Variants in FCHSD2 observed in about 807,000 individuals in gnomAD.
The protein encoded by FCHSD2 is F-BAR and double SH3 domains protein 2.
Under a neutral mutation model 108.1 loss-of-function variants are expected in FCHSD2, and 38 were observed. The observed-to-expected ratio is 0.35, with a 90% CI of 0.27 to 0.46. FCHSD2 has a LOEUF of 0.46. FCHSD2 is among the 20% of genes least tolerant of loss of function. The probability of loss-of-function intolerance (pLI) is 1.00; values close to 1 mark genes in which losing one functional copy is unlikely to be tolerated. For missense variants in FCHSD2, 751 were observed against 897.8 expected (o/e 0.84, Z 2.09); for synonymous variants, 279 against 314.7 (o/e 0.89, Z 1.20).
chr11:73,141,941 G>A lies in FCHSD2; in HGVS notation c.-64C>T, dbSNP rs1861259197. The A allele has an allele frequency of 2.7e-6, 4 of 1,468,580 alleles. No individual in the cohort carries two copies. The highest frequency in any genetic ancestry group is 1.7e-4 in the Middle Eastern group (1 of 5,842). The allele number at this position is 1,468,580 out of a possible 1,614,324, so 91.0% of individuals were successfully genotyped here. Reference sequence around the variant, plus strand: ...TAGCAAGGACCAGGAGGAGGAGGAGGGCCGGAGAGGAGGGGACGGCCCAGC... The same window carrying A: ...TAGCAAGGACCAGGAGGAGGAGGAGAGCCGGAGAGGAGGGGACGGCCCAGC... On this transcript the variant is annotated 5_prime_UTR_variant, in exon 1 of 20. Transcript: ENST00000409418.
intron 3 of FCHSD2, among the ~76,000 whole-genome samples, chr11:73,039,249 T>TG (rs111686502): frequency 0.78 from 118,918 of 151,972 alleles, 46,627 homozygotes; most frequent in South Asian, 0.87. Flanking sequence ...CAGGGTGCAG[T>TG]GCTCACACCT....
At chr11:72,918,820 A>C (rs2135307021) in intron 9 of FCHSD2, among the ~76,000 whole-genome samples, 1 of 152,288 alleles carries the variant, frequency 6.6e-6, no homozygotes, top group East Asian at 1.9e-4. Context: ...GGAGACAAAA[A>C]GCAAGCACAC....
intron 2 of FCHSD2, among the ~76,000 whole-genome samples, chr11:73,131,719 T>A (rs1236633746): frequency 4.0e-5 from 6 of 150,194 alleles, no homozygotes; most frequent in Non-Finnish European, 7.4e-5. Flanking sequence ...AAAAAAAAAA[T>A]TAAAAAATTT....
intron 3 of FCHSD2, among the ~76,000 whole-genome samples, chr11:73,069,237 G>A (rs888134784): frequency 2.0e-5 from 3 of 150,112 alleles, no homozygotes; most frequent in Non-Finnish European, 3.0e-5. Context: ...CTTGAACCAT[G>A]GAGGCAGAGG....
rs201682261 is a variant in FCHSD2 at position 72,840,911 on chromosome 11, T to C, written c.2105A>G (p.His702Arg). 6.2e-7 allele frequency: 1 copy of C among 1,613,386 alleles called. No homozygotes were observed. Among genetic ancestry groups the C allele is most frequent in the African/African-American group, 1.3e-5 (1 of 75,050 alleles). ...ESPGFSQASR[H>R]TPETSYGKLR... ...TTTGCCATATGAGGTCTCAGGAGTATGCCTTGATGCCTGTGAGAATCCTGG... is the reference window on the plus strand; with the variant it reads ...TTTGCCATATGAGGTCTCAGGAGTACGCCTTGATGCCTGTGAGAATCCTGG... Residue 702 changes from histidine (H) to arginine (R), a missense_variant, in exon 19 of 20, where the codon CAT becomes CGT. Physicochemically the swap from His to Arg is conservative, Grantham distance 29 (BLOSUM62 0). Coordinates refer to ENST00000409418, the MANE Select transcript of FCHSD2 (RefSeq NM_014824.3).
In FCHSD2 at chr11:73,142,025, G is replaced by C; in HGVS notation, c.-148C>G. 1 of 715,912 alleles carries C rather than the reference G, an allele frequency of 1.4e-6. No individual in the cohort carries two copies. Among genetic ancestry groups the C allele is most frequent in the South Asian group, 1.9e-5 (1 of 53,870 alleles). The allele number at this position is 715,912 out of a possible 1,614,324, so 44.3% of individuals were successfully genotyped here. A position where few individuals can be genotyped will look rare whatever the true frequency, so the allele number is the denominator to read the frequency against. Reference sequence around the variant, plus strand: ...AGCAAGACTTGCCCCGGAGGGAGCAGGCCAGCGGGCGGCAGGCGGACCCCA... The same window carrying C: ...AGCAAGACTTGCCCCGGAGGGAGCACGCCAGCGGGCGGCAGGCGGACCCCA... On this transcript the variant is annotated 5_prime_UTR_variant, in exon 1 of 20. Coordinates refer to ENST00000409418, the MANE Select transcript of FCHSD2 (RefSeq NM_014824.3).
chr11:72,930,465 T>C (rs2135324649), intron 8 of FCHSD2, among the ~76,000 whole-genome samples: 1 of 152,336 alleles, frequency 6.6e-6, no homozygotes, highest in Admixed American at 6.5e-5. Flanking sequence ...TTCAACAATG[T>C]AATTGGCTGG....
chr11:72,882,591 A>G (rs187656472), intron 12 of FCHSD2, among the ~76,000 whole-genome samples: 11 of 152,322 alleles, frequency 7.2e-5, no homozygotes, highest in Admixed American at 5.9e-4. Context: ...AGATATCTTA[A>G]TTACTCTAAT....
At chr11:73,136,197 C>T (rs1233999329) in intron 2 of FCHSD2, among the ~76,000 whole-genome samples, 2 of 148,614 alleles carry the variant, frequency 1.3e-5, no homozygotes, top group Non-Finnish European at 3.0e-5. Context: ...AAAGAAGGGA[C>T]GTAATGGGGA....
At chr11:73,130,744 G>A (rs548625848) in intron 2 of FCHSD2, among the ~76,000 whole-genome samples, 1 of 152,286 alleles carries the variant, frequency 6.6e-6, no homozygotes, top group South Asian at 2.1e-4. Flanking sequence ...TGCCTAGTTA[G>A]CATCTCCTTT....
intron 9 of FCHSD2, among the ~76,000 whole-genome samples, chr11:72,911,747 G>A (rs374142987): frequency 7.3e-5 from 11 of 151,584 alleles, no homozygotes; most frequent in East Asian, 1.9e-4. Flanking sequence ...ACATATGTTC[G>A]CTTTTGTTGC....
chr11:72,865,290 T>A (rs1478060993), intron 13 of FCHSD2, among the ~76,000 whole-genome samples: 1 of 152,214 alleles, frequency 6.6e-6, no homozygotes, highest in Non-Finnish European at 1.5e-5. Flanking sequence ...TCAGTGCTGT[T>A]ACTTAAAAGC....
rs11408216 is a variant in FCHSD2, at chr11:72,959,220, C to CTTTTTTTTTT, written c.705+24858_705+24867dup. ...TTTTCCACTTCATATATCCAGCAGT[C>CTTTTTTTTTT]TTTTTTTTTTTTTTTTTTTTTTTTT... is the stretch of plus-strand genomic sequence containing the variant. On this transcript the variant is annotated intron_variant, in intron 8 of 19. Transcript: ENST00000409418. Among the ~76,000 whole-genome samples, 369 of 56,320 alleles carry CTTTTTTTTTT rather than the reference C, an allele frequency of 6.6e-3. 112 individuals carry two copies. The highest frequency in any genetic ancestry group is 0.024 in the African/African-American group (339 of 14,158). The allele number at this position is 56,320 out of a possible 152,430, so 36.9% of individuals were successfully genotyped here. A position where few individuals can be genotyped will look rare whatever the true frequency, so the allele number is the denominator to read the frequency against.
chr11:73,138,398 T>C (rs1299671272), intron 2 of FCHSD2, among the ~76,000 whole-genome samples: 1 of 152,150 alleles, frequency 6.6e-6, no homozygotes, highest in Non-Finnish European at 1.5e-5. Flanking sequence ...AAGAAGTCTT[T>C]AGAAGACACA....
intron 3 of FCHSD2, among the ~76,000 whole-genome samples, chr11:73,026,441 C>A (rs960916650): frequency 2.0e-5 from 3 of 152,064 alleles, no homozygotes; most frequent in African/African-American, 7.2e-5. Context: ...CATTTTACAT[C>A]ATATCTTATA....
rs866481647 is a variant in FCHSD2 at position 72,993,978 on chromosome 11, G to A, written c.388-4881C>T. Among the ~76,000 whole-genome samples the A allele has an allele frequency of 9.2e-5, 14 of 152,136 alleles. No individual in the cohort carries two copies. In the South Asian group the frequency reaches 1.0e-3, roughly 11 times the overall value. ...GGGCTTCTGTGAGTACGGTGTATCC[G>A]GACATGTCCCTTACAGGGACACTGG... is the stretch of plus-strand genomic sequence containing the variant. On this transcript the variant is annotated intron_variant, in intron 5 of 19. Transcript: ENST00000409418.
At position 72,984,081 on chromosome 11, in the gene FCHSD2, G is replaced by C. The variant is rs769757944; in HGVS notation, c.705+7C>G. On this transcript the variant is annotated splice_region_variant and intron_variant, in intron 8 of 19. Transcript: ENST00000409418. ...TAAAATTACCATAGATATGAAAGCT[G>C]TATTACCTTCATAATGTTAACTAAA... 2.3e-5 allele frequency: 37 copies of C among 1,605,652 alleles called. No individual in the cohort carries two copies. The highest frequency in any genetic ancestry group is 3.0e-5 in the Non-Finnish European group (35 of 1,174,190).
At chr11:72,910,705 C>G (rs1439042846) in intron 9 of FCHSD2, among the ~76,000 whole-genome samples, 1 of 152,026 alleles carries the variant, frequency 6.6e-6, no homozygotes, top group Non-Finnish European at 1.5e-5. Context: ...GCAGGGACCA[C>G]TGCCTAGGAA....
At chr11:72,934,762 C>CA (rs1856267071) in intron 8 of FCHSD2, among the ~76,000 whole-genome samples, 1 of 151,978 alleles carries the variant, frequency 6.6e-6, no homozygotes. Context: ...CTCCAATATG[C>CA]AAAAACTTGG....
Sources: gnomAD v4.1 joint callset for allele counts (sites outside exome capture counted in the v4.1 genomes callset) on GRCh38, gnomAD v4.1.1 for gene constraint, MANE v1.5 for transcripts, NCBI Gene and HGNC (gene_info 2026-07-23, HGNC 2026-07-21) for gene names.